The following SPATA6L variants were observed in gnomAD, a reference collection of about 807,000 sequenced individuals.
The protein encoded by SPATA6L is spermatogenesis associated 6-like protein.
SPATA6L carries 68 observed loss-of-function variants against 49.2 expected under a neutral mutation model. That is an observed-to-expected ratio of 1.38 (90% CI 1.14 to 1.69). SPATA6L has a LOEUF of 1.69. Ranked by LOEUF, SPATA6L falls within the 40% of genes most tolerant of loss-of-function variation. The probability of loss-of-function intolerance (pLI) is 0.00; values close to 1 mark genes in which losing one functional copy is unlikely to be tolerated. For missense variants in SPATA6L, 668 were observed against 464.3 expected (o/e 1.44, Z -4.03); for synonymous variants, 198 against 165.7 (o/e 1.19, Z -1.50).
chr9:4,593,857 G>C (rs375704926), downstream of SPATA6L, among the ~76,000 whole-genome samples: 15 of 151,986 alleles, frequency 9.9e-5, no homozygotes, highest in East Asian at 7.7e-4. Flanking sequence ...CTTACTGTGG[G>C]TCTCATCTCT....
At chr9:4,628,164 A>G (rs1564208333) in intron 5 of SPATA6L, 1 of 209,378 alleles carries the variant, frequency 4.8e-6, no homozygotes, top group African/African-American at 2.4e-5. Context: ...AAAAATACAA[A>G]GAATGAATAA....
rs7872617 is a variant in SPATA6L at position 4,656,104 on chromosome 9, G to C, written c.178-15C>G. 0.024 allele frequency: 39,031 copies of C among 1,607,936 alleles called. 1,955 individuals are homozygous for C. Among genetic ancestry groups the C allele is most frequent in the African/African-American group, 0.19 (14,468 of 74,674 alleles). ...CTTTCAAATACCTGCAGAGAAAAAT[G>C]GGGAAAATAAATTTTCAAAGTTGTA... On this transcript the variant is annotated splice_polypyrimidine_tract_variant and intron_variant, in intron 2 of 11. Transcript: ENST00000682582.
chr9:4,633,565 G>C (rs990561162), intron 4 of SPATA6L: 9 of 191,596 alleles, frequency 4.7e-5, no homozygotes, highest in African/African-American at 1.9e-4. Context: ...TCAGTGTCTC[G>C]TTACTCCACA....
chr9:4,621,230 G>C (rs932825245), intron 7 of SPATA6L, among the ~76,000 whole-genome samples: 1 of 152,132 alleles, frequency 6.6e-6, no homozygotes, highest in Non-Finnish European at 1.5e-5. Context: ...CTTCACTACT[G>C]GCATGATTCA....
Position 4,635,351 on chromosome 9 carries a change from A to G in SPATA6L, c.275T>C (p.Phe92Ser), listed in dbSNP as rs576573079. ...YYEENTRDFL[F>S]PEPKLTPSHP... The stretch of plus-strand genomic sequence containing the variant: ...CGAAGGTGTCAGCTTGGGCTCTGGG[A>G]AAAGAAAATCTCGTGTGTTTTCTTC... Residue 92 changes from phenylalanine to serine, a missense_variant, in exon 4 of 12, where the codon TTC becomes TCC. By Grantham distance (155) the Phe-to-Ser change is radical (BLOSUM62 -2). Transcript: ENST00000682582. 4 of 1,589,824 alleles carry G rather than the reference A, an allele frequency of 2.5e-6. No homozygotes were observed. The highest frequency in any genetic ancestry group is 2.4e-5 in the East Asian group (1 of 41,896).
intron 6 of SPATA6L, 115 bp from the exon 7 acceptor site, chr9:4,622,625 A>G: frequency 1.4e-6 from 1 of 700,484 alleles, no homozygotes; most frequent in Non-Finnish European, 2.4e-6. Context: ...TTGGAAAAAG[A>G]AGGCTGGAAA....
intron 9 of SPATA6L, among the ~76,000 whole-genome samples, chr9:4,615,151 TCAC>T (rs1827675325): frequency 6.6e-6 from 1 of 152,232 alleles, no homozygotes; most frequent in Non-Finnish European, 1.5e-5. Flanking sequence ...CATGAAAGCA[TCAC>T]CTCCTCCATG....
chr9:4,635,365 T>C lies in SPATA6L; in HGVS notation c.261A>G (p.Thr87=), dbSNP rs773649352. 7 of 1,590,918 alleles carry C rather than the reference T, an allele frequency of 4.4e-6. No homozygotes were observed. The East Asian group carries it at 1.4e-4, about 32-fold the overall frequency. Residue 87 remains threonine (T), a synonymous_variant, in exon 4 of 12, where the codon ACA becomes ACG. Transcript: ENST00000682582. ...TGGGCTCTGGGAAAAGAAAATCTCG[T>C]GTGTTTTCTTCGTAGTAGGCCAACT... ...WDELAYYEEN[T]RDFLFPEPKL...
At chr9:4,637,417 C>T (rs937282978) in intron 3 of SPATA6L, among the ~76,000 whole-genome samples, 2 of 152,200 alleles carry the variant, frequency 1.3e-5, no homozygotes, top group African/African-American at 4.8e-5. Flanking sequence ...AGATTTACCA[C>T]TAATTGATAT....
At chr9:4,652,546 C>T (rs1837153669) in intron 3 of SPATA6L, among the ~76,000 whole-genome samples, 2 of 151,988 alleles carry the variant, frequency 1.3e-5, no homozygotes, top group Admixed American at 6.6e-5. Flanking sequence ...AATTACAAAA[C>T]ATCATTGAAA....
chr9:4,613,347 G>C (rs1444604196), intron 9 of SPATA6L, among the ~76,000 whole-genome samples: 2 of 152,032 alleles, frequency 1.3e-5, no homozygotes, highest in Admixed American at 1.3e-4. Context: ...CCATATGAAT[G>C]ACCTCCCTGT....
intron 9 of SPATA6L, among the ~76,000 whole-genome samples, chr9:4,615,062 G>A (rs1178742117): frequency 6.6e-6 from 1 of 152,098 alleles, no homozygotes; most frequent in African/African-American, 2.4e-5. Context: ...GCTGGAAGCT[G>A]ACAGTGCCCC....
chr9:4,625,561 T>C lies in SPATA6L; in HGVS notation c.435A>G (p.Glu145=). The change falls in exon 6 of 12, where the codon GAA becomes GAG. Residue 145 remains glutamate, a synonymous_variant. Coordinates refer to ENST00000682582, the MANE Select transcript of SPATA6L (RefSeq NM_001353486.2). ...ATAAAGGCCTCCGTGACTCATGTCT[T>C]TCTTCCTGAAATAAACAAAAAAAGA... ...VFLHRNRFLE[E]RHESRRPLST... The C allele has an allele frequency of 2.6e-6, 4 of 1,520,502 alleles. No homozygotes were observed. Among genetic ancestry groups the C allele is most frequent in the Non-Finnish European group, 3.5e-6 (4 of 1,136,058 alleles). 94.2% of individuals were successfully genotyped at this position (1,520,502 alleles called of 1,614,324 possible).
intron 3 of SPATA6L, among the ~76,000 whole-genome samples, chr9:4,640,121 T>C (rs1833715323): frequency 6.6e-6 from 1 of 152,226 alleles, no homozygotes; most frequent in African/African-American, 2.4e-5. Context: ...GAATAGGCTT[T>C]TACAGTTGGA....
At chr9:4,628,957 C>T (rs1830881343) in intron 5 of SPATA6L, 134 bp downstream of exon 5, 1 of 644,600 alleles carries the variant, frequency 1.6e-6, no homozygotes, top group African/African-American at 1.9e-5. Flanking sequence ...GAAATACAAA[C>T]CTAGTAAAAA....
chr9:4,648,591 G>A (rs545683679), intron 3 of SPATA6L, among the ~76,000 whole-genome samples: 82 of 151,848 alleles, frequency 5.4e-4, no homozygotes, highest in Non-Finnish European at 6.6e-4. Context: ...TCCCAGCTAC[G>A]CGGGAGGCTG....
chr9:4,651,471 G>T lies in SPATA6L; in HGVS notation c.226+4570C>A, dbSNP rs199578650. ...CACAACCTCTTCCAAAAACAGAGAA[G>T]AGGACAGAACATACCCCAACAGATT... On this transcript the variant is annotated intron_variant, in intron 3 of 11. Transcript: ENST00000682582. 3.3e-5 allele frequency among the ~76,000 whole-genome samples: 5 copies of T among 152,100 alleles called. No individual in the cohort carries two copies. The East Asian group carries it at 7.7e-4, about 23-fold the overall frequency.
intron 3 of SPATA6L, among the ~76,000 whole-genome samples, chr9:4,642,536 A>C (rs1268339099): frequency 6.6e-6 from 1 of 152,188 alleles, no homozygotes; most frequent in Non-Finnish European, 1.5e-5. Context: ...GAAGCAGAAG[A>C]AAGAACTACA....
intron 9 of SPATA6L, among the ~76,000 whole-genome samples, chr9:4,612,227 G>C (rs1046680939): frequency 6.6e-6 from 1 of 151,988 alleles, no homozygotes; most frequent in African/African-American, 2.4e-5. Flanking sequence ...TCCTGCCTCA[G>C]CCTCCCAAAG....
Sources: allele counts gnomAD v4.1 joint callset (sites outside exome capture counted in the v4.1 genomes callset), GRCh38; gene constraint gnomAD v4.1.1; transcripts MANE v1.5; gene names NCBI Gene and HGNC (gene_info 2026-07-23, HGNC 2026-07-21).